CLNK: variants seen among roughly 807,000 people sequenced by gnomAD.
CLNK encodes cytokine-dependent hematopoietic cell linker.
In CLNK, 74 loss-of-function variants were observed where a neutral mutation model predicts 68.6. The ratio of observed to expected loss-of-function variants is 1.08; its 90% CI spans 0.89 to 1.31. CLNK has a LOEUF of 1.31. Ranked by LOEUF, CLNK falls within the 50% of genes most tolerant of loss-of-function variation. The pLI is 0.00. For synonymous variants in CLNK, 198 were observed against 172.2 expected, an observed-to-expected ratio of 1.15 and a Z score of -1.17; for missense variants, 553 against 515.3, an observed-to-expected ratio of 1.07 and a Z score of -0.71.
chr4:10,605,256 A>G (rs1424189813), intron 2 of CLNK, among the ~76,000 whole-genome samples: 1 of 152,172 alleles, frequency 6.6e-6, no homozygotes, highest in Non-Finnish European at 1.5e-5. Context: ...CTACGGATAC[A>G]TATGTATATA....
intron 2 of CLNK, among the ~76,000 whole-genome samples, chr4:10,600,441 G>T (rs896116337): frequency 3.3e-5 from 5 of 152,206 alleles, no homozygotes; most frequent in African/African-American, 1.2e-4. Context: ...GACAGATGAA[G>T]GCTGCTTCCT....
At chr4:10,495,039 A>C (rs1303656071) in intron 18 of CLNK, among the ~76,000 whole-genome samples, 1 of 152,040 alleles carries the variant, frequency 6.6e-6, no homozygotes, top group African/African-American at 2.4e-5. Flanking sequence ...AGAAAAGAGA[A>C]AGAGAGATAA....
chr4:10,610,483 C>A (rs1458308056), intron 2 of CLNK, among the ~76,000 whole-genome samples: 2 of 151,916 alleles, frequency 1.3e-5, no homozygotes, highest in Non-Finnish European at 2.9e-5. Context: ...AGCTTTTTCC[C>A]CCCTCTTCTT....
chr4:10,501,463 C>G, intron 17 of CLNK, 52 bp from the exon 18 acceptor site: 1 of 1,553,574 alleles, frequency 6.4e-7, no homozygotes, highest in Non-Finnish European at 8.7e-7. Context: ...GCATTCTGCC[C>G]TTGTAATGGT....
chr4:10,616,609 T>C (rs1253409981), intron 2 of CLNK, among the ~76,000 whole-genome samples: 1 of 152,092 alleles, frequency 6.6e-6, no homozygotes, highest in African/African-American at 2.4e-5. Flanking sequence ...ACCATAGATT[T>C]GCTAAAGATA....
chr4:10,596,939 T>C (rs192191905), intron 3 of CLNK, among the ~76,000 whole-genome samples: 17 of 152,338 alleles, frequency 1.1e-4, no homozygotes, highest in Admixed American at 3.9e-4. Context: ...TGTCAAGAAA[T>C]AAGGAAAATG....
At position 10,555,467 on chromosome 4, in the gene CLNK, C is replaced by T. The variant is rs531541201; in HGVS notation, c.445+2940G>A. ...AGATCTATGGTTAATGCTAGTGGTT[C>T]GTCACACATAACTTGTATTGTAAAT... On this transcript the variant is annotated intron_variant, in intron 8 of 18. Coordinates refer to ENST00000226951, the MANE Select transcript of CLNK (RefSeq NM_052964.4). Among the ~76,000 whole-genome samples the T allele has an allele frequency of 3.9e-5, 6 of 152,210 alleles. No individual in the cohort carries two copies. The South Asian group carries it at 8.3e-4, about 21-fold the overall frequency.
chr4:10,720,775 C>T, the CLNK span, among the ~76,000 whole-genome samples: 1 of 150,856 alleles, frequency 6.6e-6, no homozygotes, highest in Non-Finnish European at 1.5e-5. Flanking sequence ...TACGGGGACG[C>T]TGGAAAACAG....
chr4:10,686,927 ATTAAT>A (rs1725293892), upstream of CLNK, among the ~76,000 whole-genome samples: 1 of 152,162 alleles, frequency 6.6e-6, no homozygotes, highest in African/African-American at 2.4e-5. Flanking sequence ...AATATCATTC[ATTAAT>A]TTATTATCTA....
At chr4:10,590,959 TG>T (rs1378469707) in intron 3 of CLNK, among the ~76,000 whole-genome samples, 1 of 152,216 alleles carries the variant, frequency 6.6e-6, no homozygotes, top group Non-Finnish European at 1.5e-5. Flanking sequence ...CCTTTAATTT[TG>T]CAGATGGATT....
the CLNK span, among the ~76,000 whole-genome samples, chr4:10,703,535 GTCTCACTGTAAGCTCTTAGAGAGCAGAA>G: frequency 7.2e-5 from 11 of 152,298 alleles, no homozygotes; most frequent in South Asian, 2.3e-3. Context: ...TACAGAAACT[GTCTCACTGTAAGCTCTTAGAGAGCAGAA>G]TCTTTTCTGG....
Position 10,490,224 on chromosome 4 carries a change from TTTTA to T in CLNK, c.*239_*242del, listed in dbSNP as rs1716508655. On this transcript the variant is annotated 3_prime_UTR_variant, in exon 19 of 19. Transcript: ENST00000226951. ...ATACTTTTAAAACCCTAGTTTTTAT[TTTTA>T]TTTATTTTCCAGTGGCCAGTTACTA... 1 of 389,456 alleles carries T rather than the reference TTTTA, an allele frequency of 2.6e-6. No homozygotes were observed. The highest frequency in any genetic ancestry group is 4.2e-5 in the Admixed American group (1 of 23,800). 24.1% of individuals were successfully genotyped at this position (389,456 alleles called of 1,614,324 possible). A position where few individuals can be genotyped will look rare whatever the true frequency, so the allele number is the denominator to read the frequency against.
chr4:10,535,215 G>GAAAGAAAGAAAGAAAGAAAGAAAC (rs1560205594), intron 11 of CLNK, among the ~76,000 whole-genome samples: 1 of 67,852 alleles, frequency 1.5e-5, no homozygotes, highest in African/African-American at 7.0e-5. Flanking sequence ...GAAAGAAAGA[G>GAAAGAAAGAAAGAAAGAAAGAAAC]AAAGAAAGAA....
At chr4:10,513,429 A>G (rs1462523742) in intron 16 of CLNK, 35 bp downstream of exon 16, 5 of 1,592,864 alleles carry the variant, frequency 3.1e-6, no homozygotes, top group Middle Eastern at 1.7e-4. Context: ...TGCCAAGTAC[A>G]TCTAGAAGGA....
chr4:10,577,453 T>A (rs1298478416), intron 4 of CLNK, among the ~76,000 whole-genome samples: 1 of 152,222 alleles, frequency 6.6e-6, no homozygotes, highest in African/African-American at 2.4e-5. Flanking sequence ...CCGCTTGCTG[T>A]TTAGCTGGGC....
chr4:10,696,740 C>T, the CLNK span, among the ~76,000 whole-genome samples: 2 of 152,118 alleles, frequency 1.3e-5, no homozygotes, highest in African/African-American at 4.8e-5. Context: ...GCCCTCATTC[C>T]AGCCTCCCTA....
chr4:10,647,365 TC>T (rs1483366083), intron 2 of CLNK, among the ~76,000 whole-genome samples: 1 of 152,158 alleles, frequency 6.6e-6, no homozygotes, highest in African/African-American at 2.4e-5. Flanking sequence ...TTATGAGGCA[TC>T]TGAGCTGGTG....
chr4:10,632,064 T>C (rs1044068120), intron 2 of CLNK, among the ~76,000 whole-genome samples: 1 of 152,256 alleles, frequency 6.6e-6, no homozygotes, highest in South Asian at 2.1e-4. Context: ...CTATCTCTAA[T>C]TGGATGACTG....
chr4:10,637,783 T>C, intron 2 of CLNK, among the ~76,000 whole-genome samples: 1 of 147,534 alleles, frequency 6.8e-6, no homozygotes, highest in Non-Finnish European at 1.5e-5. Flanking sequence ...TTTGTAGTTT[T>C]AGTAGAGATG....
Sources: allele counts gnomAD v4.1 joint callset (sites outside exome capture counted in the v4.1 genomes callset), GRCh38; gene constraint gnomAD v4.1.1; transcripts MANE v1.5; gene names NCBI Gene and HGNC (gene_info 2026-07-23, HGNC 2026-07-21).